PLXNC1: variants seen among roughly 807,000 people sequenced by gnomAD.
The protein encoded by PLXNC1 is plexin-C1.
PLXNC1 carries 75 observed loss-of-function variants against 178.2 expected under a neutral mutation model. The observed-to-expected ratio is 0.42, with a 90% CI of 0.35 to 0.51. PLXNC1 has a LOEUF of 0.51. Ranked by LOEUF, PLXNC1 falls within the 20% of genes least tolerant of loss-of-function variation. The probability of loss-of-function intolerance (pLI) is 0.02; values close to 1 mark genes in which losing one functional copy is unlikely to be tolerated. For missense variants in PLXNC1, 1,503 were observed against 1,984.4 expected, an observed-to-expected ratio of 0.76 and a Z score of 4.61; for synonymous variants, 790 against 779.9, an observed-to-expected ratio of 1.01 and a Z score of -0.22.
chr12:94,299,231 A>G (rs1437564900), intron 27 of PLXNC1, among the ~76,000 whole-genome samples: 3 of 152,252 alleles, frequency 2.0e-5, no homozygotes, highest in African/African-American at 7.2e-5. Context: ...GTACTCAGAT[A>G]CTATGAGAAT....
intron 15 of PLXNC1, among the ~76,000 whole-genome samples, chr12:94,254,316 T>G (rs1349281423): frequency 6.6e-6 from 1 of 152,238 alleles, no homozygotes; most frequent in African/African-American, 2.4e-5. Context: ...ATTAGCTCTA[T>G]GCAGGTTTGG....
rs1438663621 is a variant in PLXNC1 at position 94,247,894 on chromosome 12, T to C, written c.2389-9T>C. 3.1e-6 allele frequency: 5 copies of C among 1,612,582 alleles called. No homozygotes were observed. The highest frequency in any genetic ancestry group is 3.4e-6 in the Non-Finnish European group (4 of 1,179,254). ...AAAGTTACTAAAACATTCTTTTCTT[T>C]TTGTCCAGGTCTCTGAATATTGTGT... On this transcript the variant is annotated splice_polypyrimidine_tract_variant and intron_variant, in intron 12 of 30. Coordinates refer to ENST00000258526, the MANE Select transcript of PLXNC1 (RefSeq NM_005761.3).
chr12:94,248,545 G>A, intron 14 of PLXNC1, 133 bp downstream of exon 14: 1 of 749,320 alleles, frequency 1.3e-6, no homozygotes, highest in East Asian at 2.7e-5. Context: ...AAACAAAGCT[G>A]GTACTGCGAG....
intron 1 of PLXNC1, among the ~76,000 whole-genome samples, chr12:94,158,659 A>T (rs1164996412): frequency 6.6e-6 from 1 of 152,164 alleles, no homozygotes; most frequent in Non-Finnish European, 1.5e-5. Flanking sequence ...AATCTTAGCC[A>T]GGTGTAGTGG....
intron 23 of PLXNC1, among the ~76,000 whole-genome samples, chr12:94,290,486 G>C (rs1200992684): frequency 6.6e-6 from 1 of 152,248 alleles, no homozygotes; most frequent in Non-Finnish European, 1.5e-5. Context: ...GCAGAGGCCT[G>C]ATGGCCCCAG....
intron 1 of PLXNC1, among the ~76,000 whole-genome samples, chr12:94,151,960 G>A (rs978135595): frequency 4.6e-5 from 7 of 152,126 alleles, no homozygotes; most frequent in African/African-American, 1.7e-4. Context: ...TCAAGCAAAG[G>A]ATAAACACAT....
chr12:94,197,333 C>T (rs1041718236), intron 4 of PLXNC1, among the ~76,000 whole-genome samples: 137 of 152,204 alleles, frequency 9.0e-4, no homozygotes, highest in African/African-American at 3.3e-3. Context: ...ACTCTGTCCT[C>T]ATGAATGGAT....
intron 1 of PLXNC1, among the ~76,000 whole-genome samples, chr12:94,159,523 T>A (rs536754499): frequency 2.0e-5 from 3 of 151,940 alleles, no homozygotes; most frequent in Non-Finnish European, 2.9e-5. Flanking sequence ...AGATGGAACA[T>A]CCTGGTCTTG....
At chr12:94,162,878 G>T (rs1055937771) in intron 1 of PLXNC1, among the ~76,000 whole-genome samples, 1 of 152,142 alleles carries the variant, frequency 6.6e-6, no homozygotes, top group African/African-American at 2.4e-5. Context: ...ATTTACTTAG[G>T]GGATGTTGAG....
At chr12:94,302,986 G>C (rs1237146540) in intron 28 of PLXNC1, among the ~76,000 whole-genome samples, 1 of 152,184 alleles carries the variant, frequency 6.6e-6, no homozygotes, top group African/African-American at 2.4e-5. Flanking sequence ...CCTTCAGAAT[G>C]ATTCATCAAG....
At chr12:94,235,869 A>G (rs568219842) in intron 9 of PLXNC1, among the ~76,000 whole-genome samples, 8 of 152,126 alleles carry the variant, frequency 5.3e-5, no homozygotes, top group African/African-American at 1.9e-4. Flanking sequence ...TAGTTTGCCA[A>G]CTCCTGATCT....
At chr12:94,286,616 C>CAAAAAAAAA (rs61238982) in intron 23 of PLXNC1, among the ~76,000 whole-genome samples, 1 of 101,374 alleles carries the variant, frequency 9.9e-6, no homozygotes. Context: ...TGCTTAAAAG[C>CAAAAAAAAA]AAAAAAAAAA....
At position 94,237,755 on chromosome 12, in the gene PLXNC1, C is replaced by T. The variant is rs1316148805; in HGVS notation, c.2072C>T (p.Ser691Leu). The T allele has an allele frequency of 1.9e-6, 3 of 1,613,750 alleles. No homozygotes were observed. Among genetic ancestry groups the T allele is most frequent in the Middle Eastern group, 1.6e-4 (1 of 6,084 alleles). Reference sequence around the variant, plus strand: ...ACGGGAGCAAACTTTACCCGGGCATCGAACATCACAATGATCCTGAAAGGA... The same window carrying T: ...ACGGGAGCAAACTTTACCCGGGCATTGAACATCACAATGATCCTGAAAGGA... ...IVTGANFTRA[S>L]NITMILKGTS... The change falls in exon 10 of 31, where the codon TCG (serine) becomes TTG (leucine). Residue 691 changes from serine to leucine, a missense_variant. Transcript: ENST00000258526.
At chr12:94,273,344 G>A (rs1203045120) in intron 21 of PLXNC1, among the ~76,000 whole-genome samples, 1 of 152,128 alleles carries the variant, frequency 6.6e-6, no homozygotes, top group East Asian at 1.9e-4. Context: ...CCCAAAGAAG[G>A]TGGGATTTTT....
chr12:94,195,890 G>C (rs950922840), intron 4 of PLXNC1, among the ~76,000 whole-genome samples: 1 of 152,276 alleles, frequency 6.6e-6, no homozygotes, highest in East Asian at 1.9e-4. Context: ...AAACATATTT[G>C]TCCCCAACAC....
At chr12:94,195,661 A>G (rs1962888211) in intron 4 of PLXNC1, among the ~76,000 whole-genome samples, 1 of 152,124 alleles carries the variant, frequency 6.6e-6, no homozygotes. Flanking sequence ...TGTTTCTTCC[A>G]TGTTGACAGT....
intron 1 of PLXNC1, among the ~76,000 whole-genome samples, chr12:94,151,524 C>G (rs964599320): frequency 6.6e-6 from 1 of 152,154 alleles, no homozygotes; most frequent in Non-Finnish European, 1.5e-5. Context: ...ATATTTGATT[C>G]CTGTCTTTAT....
chr12:94,183,050 C>T (rs781241336), intron 3 of PLXNC1, among the ~76,000 whole-genome samples: 3 of 152,108 alleles, frequency 2.0e-5, no homozygotes, highest in South Asian at 4.1e-4. Context: ...GACCTATGAC[C>T]GTTTGAACAT....
chr12:94,263,483 C>T (rs1257604568), intron 20 of PLXNC1, among the ~76,000 whole-genome samples: 2 of 152,118 alleles, frequency 1.3e-5, no homozygotes, highest in South Asian at 2.1e-4. Flanking sequence ...CACACAGCCC[C>T]CGAGAGCCCA....
Sources: allele counts gnomAD v4.1 joint callset (sites outside exome capture counted in the v4.1 genomes callset), GRCh38; gene constraint gnomAD v4.1.1; transcripts MANE v1.5; gene names NCBI Gene and HGNC (gene_info 2026-07-23, HGNC 2026-07-21).